Variants in IQSEC1 observed in about 807,000 individuals in gnomAD.
The protein encoded by IQSEC1 is IQ motif and SEC7 domain-containing protein 1.
In IQSEC1, 31 loss-of-function variants were observed where a neutral mutation model predicts 91.0. That is an observed-to-expected ratio of 0.34 (90% CI 0.26 to 0.46). The LOEUF (loss-of-function observed/expected upper bound fraction) is 0.46, where lower values mean the gene tolerates loss of function less well. Among genes scored for constraint, IQSEC1 ranks in the 20% least tolerant of loss-of-function variants. IQSEC1 has a pLI of 1.00. For missense variants in IQSEC1, 1,388 were observed against 1,575.6 expected, an observed-to-expected ratio of 0.88 and a Z score of 2.02; for synonymous variants, 699 against 662.6, an observed-to-expected ratio of 1.05 and a Z score of -0.84.
chr3:12,974,363 C>T (rs553095597), intron 1 of IQSEC1, among the ~76,000 whole-genome samples: 7 of 152,184 alleles, frequency 4.6e-5, no homozygotes, highest in Non-Finnish European at 8.8e-5. Context: ...CTGTTGTAAA[C>T]GTGAAAGAAG....
At position 12,983,380 on chromosome 3, in the gene IQSEC1, G is replaced by C. The variant is rs1292095545; in HGVS notation, c.24-41515C>G. On this transcript the variant is annotated intron_variant, in intron 1 of 13. Transcript: ENST00000613206. This position sits in a 1 kb window ranked among gnomAD's most constrained non-coding sequence, Gnocchi z 4.3. ...GCAGTCTGGGTGCTGGCTTGGGGGC[G>C]GGTGAGGAGCAGGAGGAAGCATGGC... Among the ~76,000 whole-genome samples, 1 of 152,174 alleles carries C rather than the reference G, an allele frequency of 6.6e-6. No individual in the cohort carries two copies. Among genetic ancestry groups the C allele is most frequent in the Non-Finnish European group, 1.5e-5 (1 of 68,022 alleles).
chr3:13,264,944 GTCTC>G (rs202125437), intron 1 of IQSEC1, among the ~76,000 whole-genome samples: 1 of 151,684 alleles, frequency 6.6e-6, no homozygotes, highest in South Asian at 2.1e-4. Flanking sequence ...GTCTCTCTGT[GTCTC>G]TCTGTCTGTC....
Position 13,053,975 on chromosome 3 carries a change from T to C in IQSEC1, c.23+19017A>G, listed in dbSNP as rs886630235. On this transcript the variant is annotated intron_variant, in intron 1 of 13. Coordinates refer to ENST00000613206, the MANE Select transcript of IQSEC1 (RefSeq NM_001134382.3). ...GTGCCTGTGCCTGGGTGTAGATGTG[T>C]TTTAGTTACACAAAAATACGCTCCA... Among the ~76,000 whole-genome samples, 5 of 151,754 alleles carry C rather than the reference T, an allele frequency of 3.3e-5. No homozygotes were observed. The East Asian group carries it at 7.7e-4, about 24-fold the overall frequency.
chr3:13,203,973 T>G (rs1001601327), intron 1 of IQSEC1, among the ~76,000 whole-genome samples: 1 of 152,240 alleles, frequency 6.6e-6, no homozygotes, highest in African/African-American at 2.4e-5. Context: ...GCCCCTGGCC[T>G]GTCTCCAAGT....
At chr3:13,099,767 C>T (rs1411143307) in intron 2 of IQSEC1, among the ~76,000 whole-genome samples, 1 of 152,238 alleles carries the variant, frequency 6.6e-6, no homozygotes, top group Non-Finnish European at 1.5e-5. Context: ...AAAGCAGTCC[C>T]TGTTCAAGCC....
chr3:12,993,192 G>A (rs779110601), intron 1 of IQSEC1, among the ~76,000 whole-genome samples: 3 of 152,152 alleles, frequency 2.0e-5, no homozygotes, highest in Non-Finnish European at 4.4e-5. Flanking sequence ...GAGGTCTACC[G>A]GGAGAGCTCC....
Position 12,936,026 on chromosome 3 carries a change from C to A in IQSEC1, c.990G>T (p.Trp330Cys). The A allele has an allele frequency of 6.2e-7, 1 of 1,601,986 alleles. No individual in the cohort carries two copies. The highest frequency in any genetic ancestry group is 8.5e-7 in the Non-Finnish European group (1 of 1,179,774). The change falls in exon 3 of 14, where the codon TGG becomes TGT. Residue 330 changes from tryptophan (W) to cysteine (C), a missense_variant. This residue lies in a region of IQSEC1 where 1,059 missense variants were observed against 1,317.8 expected (regional missense o/e 0.80). Transcript: ENST00000613206. ...CCTTGTCCTCTTTGTGGGCCAGGGC[C>A]CAGTAGTCTGGGGCTGCGCCCCCAG... Reference protein sequence around the residue: ...LRAGGAAPDYWALAHKEDKAD... With the variant: ...LRAGGAAPDYCALAHKEDKAD...
At chr3:13,226,987 G>T (rs564612733) in intron 1 of IQSEC1, among the ~76,000 whole-genome samples, 60 of 152,214 alleles carry the variant, frequency 3.9e-4, no homozygotes, top group African/African-American at 1.4e-3. Flanking sequence ...AGAACTCCTC[G>T]TTTGGGATCG....
chr3:13,240,725 T>G (rs1335261885), intron 1 of IQSEC1, among the ~76,000 whole-genome samples: 1 of 152,110 alleles, frequency 6.6e-6, no homozygotes, highest in African/African-American at 2.4e-5. Context: ...GCTCAAGAAA[T>G]GCTCACAGCT....
intron 2 of IQSEC1, among the ~76,000 whole-genome samples, chr3:13,107,307 T>G (rs12488620): frequency 0.083 from 12,569 of 152,322 alleles, 661 homozygotes; most frequent in East Asian, 0.23. Flanking sequence ...GAGGTCTAGA[T>G]CCTCTATAAA....
At chr3:13,227,969 C>T (rs4990875) in intron 1 of IQSEC1, among the ~76,000 whole-genome samples, 5 of 152,196 alleles carry the variant, frequency 3.3e-5, no homozygotes, top group African/African-American at 1.2e-4. Context: ...CCCCAGCAGC[C>T]TGGCCTCAGT....
chr3:13,249,235 G>A lies in IQSEC1; in HGVS notation c.272+33476C>T, dbSNP rs544213913. Among the ~76,000 whole-genome samples the A allele has an allele frequency of 1.6e-4, 23 of 144,928 alleles. No individual in the cohort carries two copies. In the East Asian group the frequency reaches 4.3e-3, roughly 27 times the overall value. ...CACCCAGGCTGGAGTGCAGTGGCGC[G>A]ATCTCGGCTCACTGCAAGCTCTGCC... On this transcript the variant is annotated intron_variant, in intron 1 of 15. Transcript: ENST00000648114.
intron 2 of IQSEC1, among the ~76,000 whole-genome samples, chr3:13,144,506 T>C (rs540142720): frequency 5.4e-4 from 82 of 152,134 alleles, no homozygotes; most frequent in Non-Finnish European, 1.1e-3. Context: ...GCATCAACAG[T>C]CACACTCATG....
intron 1 of IQSEC1, among the ~76,000 whole-genome samples, chr3:13,280,636 TG>T (rs1277601252): frequency 2.6e-5 from 4 of 152,100 alleles, no homozygotes; most frequent in African/African-American, 9.7e-5. Context: ...CTGCTCACCC[TG>T]GGGTCCGGGC....
Position 12,900,034 on chromosome 3 carries a change from T to C in IQSEC1, c.*949A>G. On this transcript the variant is annotated 3_prime_UTR_variant, in exon 14 of 14. Transcript: ENST00000613206. ...AGTGTCTAAGAATCCGTGTAACCAA[T>C]GTCCTAAGACAACCAGCTTGTAACC... 8.1e-6 allele frequency: 8 copies of C among 985,434 alleles called. No homozygotes were observed. Among genetic ancestry groups the C allele is most frequent in the South Asian group, 4.7e-5 (1 of 21,280 alleles). The allele number at this position is 985,434 out of a possible 1,614,324, so 61.0% of individuals were successfully genotyped here.
chr3:13,172,818 C>T (rs892217823), intron 1 of IQSEC1, among the ~76,000 whole-genome samples: 2 of 152,180 alleles, frequency 1.3e-5, no homozygotes, highest in Admixed American at 1.3e-4. Context: ...AGCTCTGCCG[C>T]CTCCCAGCCA....
intron 1 of IQSEC1, among the ~76,000 whole-genome samples, chr3:13,178,921 C>T (rs1285545855): frequency 6.6e-6 from 1 of 152,200 alleles, no homozygotes; most frequent in Non-Finnish European, 1.5e-5. Flanking sequence ...TCAGGAAACA[C>T]CTTCGGTCAT....
At position 13,079,631 on chromosome 3, in the gene IQSEC1, G is replaced by A. The variant is rs1705618586; in HGVS notation, c.303-32109C>T. Among the ~76,000 whole-genome samples the A allele has an allele frequency of 1.3e-5, 2 of 152,208 alleles. 1 individual carries two copies. The highest frequency in any genetic ancestry group is 2.9e-5 in the Non-Finnish European group (2 of 68,030). Reference sequence around the variant, plus strand: ...CCCTTCTTTACTGGGGCCCCCATGGGGAGGAGCCTGCATGAGAGGCTGCAG... The same window carrying A: ...CCCTTCTTTACTGGGGCCCCCATGGAGAGGAGCCTGCATGAGAGGCTGCAG... On this transcript the variant is annotated intron_variant, in intron 2 of 15. Coordinates refer to the IQSEC1 transcript ENST00000648114.
chr3:12,904,244 C>T (rs906696754), intron 12 of IQSEC1, among the ~76,000 whole-genome samples: 2 of 152,186 alleles, frequency 1.3e-5, no homozygotes, highest in African/African-American at 2.4e-5. Context: ...GAGTCCAGTT[C>T]CTCTGCCTTG....
Sources: gnomAD v4.1 joint callset for allele counts (sites outside exome capture counted in the v4.1 genomes callset) on GRCh38, gnomAD v4.1.1 for gene constraint, gnomAD v4.1.1 regional missense constraint, Gnocchi (gnomAD v3.1) non-coding constraint, MANE v1.5 for transcripts, NCBI Gene and HGNC (gene_info 2026-07-23, HGNC 2026-07-21) for gene names.